Variants in ASAP2 observed in about 807,000 individuals in gnomAD.
ASAP2 encodes the protein ArfGAP with SH3 domain, ankyrin repeat and PH domain 2, also known as arf-GAP with SH3 domain, ANK repeat and PH domain-containing protein 2.
A neutral mutation model predicts 131.4 loss-of-function variants in ASAP2; 45 were observed. That is an observed-to-expected ratio of 0.34 (90% confidence interval 0.27 to 0.44). The LOEUF is 0.44. Ranked by LOEUF, ASAP2 falls within the 20% of genes least tolerant of loss-of-function variation. The pLI, the probability that ASAP2 is intolerant of heterozygous loss-of-function variation, is 1.00. For missense variants in ASAP2, 1,011 were observed against 1,297.0 expected (o/e 0.78, Z 3.39); for synonymous variants, 510 against 503.0 (o/e 1.01, Z -0.19).
At chr2:9,238,313 A>T (rs983833225) in intron 1 of ASAP2, among the ~76,000 whole-genome samples, 3 of 152,210 alleles carry the variant, frequency 2.0e-5, no homozygotes, top group Non-Finnish European at 4.4e-5. Flanking sequence ...CTGGAGCCTC[A>T]GTTTCCCCAT....
At position 9,266,697 on chromosome 2, in the gene ASAP2, T is replaced by C. The variant is rs562014974; in HGVS notation, c.127-12620T>C. ...ATCTAGGAGAAAAATGAAAGAAGTG[T>C]TTCTCTTATGTTTGCTGCCGTCAAA... On this transcript the variant is annotated intron_variant, in intron 1 of 27. Coordinates refer to ENST00000281419, the MANE Select transcript of ASAP2 (RefSeq NM_003887.3). Among the ~76,000 whole-genome samples, 3 of 152,276 alleles carry C rather than the reference T, an allele frequency of 2.0e-5. No homozygotes were observed. In the East Asian group the frequency reaches 5.8e-4, roughly 29 times the overall value.
intron 14 of ASAP2, among the ~76,000 whole-genome samples, chr2:9,358,383 A>G (rs1235821668): frequency 1.3e-5 from 2 of 152,136 alleles, no homozygotes; most frequent in Non-Finnish European, 2.9e-5. Context: ...GGCTGGTCTC[A>G]TTGTTTTCCT....
intron 1 of ASAP2, among the ~76,000 whole-genome samples, chr2:9,267,897 CAAAAAA>C (rs34716225): frequency 1.5e-5 from 1 of 65,022 alleles, no homozygotes; most frequent in African/African-American, 7.0e-5. Flanking sequence ...GACTCTATCT[CAAAAAA>C]AAAAAAAAAA....
At chr2:9,272,241 TA>T (rs1376360708) in intron 1 of ASAP2, among the ~76,000 whole-genome samples, 1 of 152,236 alleles carries the variant, frequency 6.6e-6, no homozygotes, top group Non-Finnish European at 1.5e-5. Context: ...GCCTTTTGCC[TA>T]TAAACCATTT....
At chr2:9,360,892 G>A (rs1281754978) in intron 15 of ASAP2, among the ~76,000 whole-genome samples, 1 of 152,300 alleles carries the variant, frequency 6.6e-6, no homozygotes, top group South Asian at 2.1e-4. Context: ...TGACTCATAT[G>A]AGCTGGTAGG....
chr2:9,317,661 ATCAC>A lies in ASAP2; in HGVS notation c.346-858_346-855del, dbSNP rs538621155. Among the ~76,000 whole-genome samples, 1,089 of 146,856 alleles carry A rather than the reference ATCAC, an allele frequency of 7.4e-3. 8 individuals are homozygous for A. Among genetic ancestry groups the A allele is most frequent in the African/African-American group, 0.011 (436 of 39,638 alleles). On this transcript the variant is annotated intron_variant, in intron 3 of 27. Transcript: ENST00000281419. ...ATACACACATTTACACACTTACACA[ATCAC>A]TCACATCCATAATCACATCCTGAAA...
At chr2:9,305,290 G>T (rs1283727833) in intron 3 of ASAP2, among the ~76,000 whole-genome samples, 1 of 151,094 alleles carries the variant, frequency 6.6e-6, no homozygotes, top group Non-Finnish European at 1.5e-5. Context: ...AGATGTTGGT[G>T]TAGAGGCTGT....
chr2:9,364,609 C>T (rs927678494), intron 15 of ASAP2, among the ~76,000 whole-genome samples: 1 of 152,188 alleles, frequency 6.6e-6, no homozygotes, highest in Non-Finnish European at 1.5e-5. Context: ...TGTTCTCATA[C>T]GGTTGTTAAT....
chr2:9,218,286 G>A lies in ASAP2; in HGVS notation c.126+11056G>A, dbSNP rs188779062. On this transcript the variant is annotated intron_variant, in intron 1 of 27. Coordinates refer to ENST00000281419, the MANE Select transcript of ASAP2 (RefSeq NM_003887.3). ...GTCCCCATTGTCACTGAATGTGATT[G>A]CCTGGAGGTCATCAGACACTAACTC... Among the ~76,000 whole-genome samples, 237 of 152,288 alleles carry A rather than the reference G, an allele frequency of 1.6e-3. 1 individual carries two copies. The highest frequency in any genetic ancestry group is 5.5e-3 in the African/African-American group (229 of 41,552).
chr2:9,340,501 T>C (rs913224518), intron 9 of ASAP2, among the ~76,000 whole-genome samples: 3 of 152,226 alleles, frequency 2.0e-5, no homozygotes, highest in African/African-American at 7.2e-5. Flanking sequence ...TTGAAAGCAT[T>C]GTTCTTAGAC....
intron 1 of ASAP2, among the ~76,000 whole-genome samples, chr2:9,274,029 A>G (rs1470088542): frequency 1.3e-5 from 2 of 152,250 alleles, no homozygotes; most frequent in Admixed American, 1.3e-4. Context: ...GAACAAGGAC[A>G]GCTTGGAGGT....
chr2:9,293,587 T>C (rs977280014), intron 2 of ASAP2, among the ~76,000 whole-genome samples: 9 of 152,226 alleles, frequency 5.9e-5, no homozygotes, highest in African/African-American at 2.2e-4. Context: ...ACAAAGGCAC[T>C]GAATGATTTT....
chr2:9,344,429 TGTTAAAA>T (rs1332146759), intron 9 of ASAP2, 96 bp from the exon 10 acceptor site: 11 of 849,664 alleles, frequency 1.3e-5, no homozygotes, highest in East Asian at 2.8e-5. Context: ...TTTTTGTTGT[TGTTAAAA>T]AAAAAACACA....
chr2:9,218,977 C>CT (rs1212059813), intron 1 of ASAP2, among the ~76,000 whole-genome samples: 1 of 152,144 alleles, frequency 6.6e-6, no homozygotes, highest in Non-Finnish European at 1.5e-5. Flanking sequence ...GGGTGCCTTG[C>CT]TGGTTTGAGA....
intron 27 of ASAP2, among the ~76,000 whole-genome samples, chr2:9,402,431 A>C (rs1473070246): frequency 6.6e-6 from 1 of 152,168 alleles, no homozygotes; most frequent in African/African-American, 2.4e-5. Flanking sequence ...GGAGTTCGAG[A>C]CCAGCCTGGC....
rs1177064910 is a variant in ASAP2, at chr2:9,301,820, C to CTTTTTTTTTTTTTTTTT, written c.345+4380_345+4396dup. On this transcript the variant is annotated intron_variant, in intron 3 of 27. Coordinates refer to ENST00000281419, the MANE Select transcript of ASAP2 (RefSeq NM_003887.3). ...ACCAAGCAACGTGTGTATCCATCAT[C>CTTTTTTTTTTTTTTTTT]TTTTTTTTTTTTTTTTTTTTTGAGA... Among the ~76,000 whole-genome samples the CTTTTTTTTTTTTTTTTT allele has an allele frequency of 1.9e-3, 215 of 115,384 alleles. 6 individuals are homozygous for CTTTTTTTTTTTTTTTTT. The highest frequency in any genetic ancestry group is 7.0e-3 in the African/African-American group (199 of 28,396). The allele number at this position is 115,384 out of a possible 152,430, so 75.7% of individuals were successfully genotyped here.
At chr2:9,319,449 G>A (rs899759765) in intron 4 of ASAP2, among the ~76,000 whole-genome samples, 3 of 152,232 alleles carry the variant, frequency 2.0e-5, no homozygotes, top group African/African-American at 7.2e-5. Context: ...GCCTTCAGGG[G>A]CTTGGAGAAC....
chr2:9,317,256 G>T (rs1669779055), intron 3 of ASAP2, among the ~76,000 whole-genome samples: 1 of 143,178 alleles, frequency 7.0e-6, no homozygotes, highest in Non-Finnish European at 1.5e-5. Context: ...CACACCCCGT[G>T]CATCACACAC....
intron 12 of ASAP2, among the ~76,000 whole-genome samples, chr2:9,354,319 G>A (rs577434761): frequency 6.6e-6 from 1 of 152,190 alleles, no homozygotes; most frequent in South Asian, 2.1e-4. Context: ...TGCTCCGATC[G>A]CCCCCTCTGT....
Sources: allele counts gnomAD v4.1 joint callset (sites outside exome capture counted in the v4.1 genomes callset), GRCh38; gene constraint gnomAD v4.1.1; transcripts MANE v1.5; gene names NCBI Gene and HGNC (gene_info 2026-07-23, HGNC 2026-07-21).